The following FOXP2 variants were observed in gnomAD, a reference collection of about 807,000 sequenced individuals.
FOXP2 encodes the protein forkhead box protein P2.
A neutral mutation model predicts 115.8 loss-of-function variants in FOXP2; 12 were observed. The ratio of observed to expected loss-of-function variants is 0.10; its 90% CI spans 0.07 to 0.17. The LOEUF (loss-of-function observed/expected upper bound fraction) is 0.17, where lower values mean the gene tolerates loss of function less well. Ranked by LOEUF, FOXP2 falls within the 10% of genes least tolerant of loss-of-function variation. FOXP2 has a pLI of 1.00. For missense variants in FOXP2, 629 were observed against 843.5 expected, an observed-to-expected ratio of 0.75 and a Z score of 3.15; for synonymous variants, 328 against 297.7, an observed-to-expected ratio of 1.10 and a Z score of -1.05.
At chr7:114,266,851 T>G (rs1795907359) in intron 1 of FOXP2, among the ~76,000 whole-genome samples, 1 of 152,222 alleles carries the variant, frequency 6.6e-6, no homozygotes, top group African/African-American at 2.4e-5. Flanking sequence ...TGTTCAGCTA[T>G]TAGTTCATTG....
intron 2 of FOXP2, among the ~76,000 whole-genome samples, chr7:114,405,284 G>A (rs987439758): frequency 1.3e-5 from 2 of 151,816 alleles, no homozygotes; most frequent in South Asian, 2.1e-4. Context: ...TATAAAAGCA[G>A]TAATTCATTC....
chr7:114,457,726 G>A (rs760888947), intron 2 of FOXP2, among the ~76,000 whole-genome samples: 6 of 151,854 alleles, frequency 4.0e-5, no homozygotes, highest in South Asian at 2.1e-4. Context: ...GTGAAACCCC[G>A]TCTCTACTAA....
At chr7:114,464,349 G>A (rs778870516) in intron 2 of FOXP2, among the ~76,000 whole-genome samples, 2 of 152,166 alleles carry the variant, frequency 1.3e-5, no homozygotes, top group Admixed American at 1.3e-4. Context: ...TTTAAAAAAG[G>A]AAAGCAGTGT....
chr7:114,204,915 CAAA>C (rs60413933), intron 1 of FOXP2, among the ~76,000 whole-genome samples: 26 of 141,792 alleles, frequency 1.8e-4, no homozygotes, highest in Non-Finnish European at 2.5e-4. Context: ...TTGTGTGTGC[CAAA>C]AAAAAAAAAA....
chr7:114,300,360 A>G (rs1315468568), intron 2 of FOXP2, among the ~76,000 whole-genome samples: 1 of 152,092 alleles, frequency 6.6e-6, no homozygotes, highest in Admixed American at 6.5e-5. Context: ...TTTTGTCCTT[A>G]AAATATGTAT....
Position 114,242,946 on chromosome 7 carries a change from A to G in FOXP2, c.-101-45073A>G, listed in dbSNP as rs544005206. 4.6e-5 allele frequency among the ~76,000 whole-genome samples: 7 copies of G among 152,334 alleles called. No homozygotes were observed. In the South Asian group the frequency reaches 1.4e-3, roughly 32 times the overall value. On this transcript the variant is annotated intron_variant, in intron 1 of 17. Transcript: ENST00000634411. ...CTAGATGGGAATACCTAGCACTTAC[A>G]TAAAATTATGGCCCTTGGACTCAGA...
rs757957770 is a variant in FOXP2 at position 114,102,732 on chromosome 7, A to ACACACACACACACACC, written c.-247+14895_-247+14896insACACACACACACACCC. Among the ~76,000 whole-genome samples, 105 of 146,194 alleles carry ACACACACACACACACC rather than the reference A, an allele frequency of 7.2e-4. 1 individual carries two copies. The highest frequency in any genetic ancestry group is 2.4e-3 in the African/African-American group (96 of 39,832). On this transcript the variant is annotated intron_variant, in intron 1 of 19. Transcript: ENST00000635638. ...CACACACACACACACACACACACAC[A>ACACACACACACACACC]CCCCAATGGTTATTCATATAAATAT...
At chr7:114,448,314 G>GT (rs1223912011) in intron 2 of FOXP2, among the ~76,000 whole-genome samples, 1 of 152,016 alleles carries the variant, frequency 6.6e-6, no homozygotes, top group Non-Finnish European at 1.5e-5. Flanking sequence ...ATAAAGATGG[G>GT]TTTTGAAGCT....
chr7:114,247,235 A>C (rs1013237377), intron 1 of FOXP2, among the ~76,000 whole-genome samples: 2 of 152,160 alleles, frequency 1.3e-5, no homozygotes, highest in Non-Finnish European at 2.9e-5. Flanking sequence ...TTATCTATGA[A>C]TATATTCCAG....
chr7:114,434,896 A>C (rs1289723063), intron 2 of FOXP2, among the ~76,000 whole-genome samples: 2 of 152,188 alleles, frequency 1.3e-5, no homozygotes, highest in Admixed American at 6.5e-5. Flanking sequence ...TAACATATAC[A>C]TTTTAAGAAA....
chr7:114,683,778 A>G (rs1395196633), intron 16 of FOXP2, among the ~76,000 whole-genome samples: 1 of 152,154 alleles, frequency 6.6e-6, no homozygotes, highest in Admixed American at 6.6e-5. Flanking sequence ...GGAACTGAAA[A>G]CAATGTTTCT....
At chr7:114,299,833 A>T (rs544467003) in intron 2 of FOXP2, among the ~76,000 whole-genome samples, 1 of 152,168 alleles carries the variant, frequency 6.6e-6, no homozygotes, top group East Asian at 1.9e-4. Flanking sequence ...TTTATCTCCC[A>T]AGAGTTCAGA....
At chr7:114,133,009 CAG>C (rs941326411) in intron 1 of FOXP2, among the ~76,000 whole-genome samples, 2 of 152,114 alleles carry the variant, frequency 1.3e-5, no homozygotes, top group African/African-American at 4.8e-5. Context: ...GGGAAGGAAA[CAG>C]GGACGAAACC....
chr7:114,509,583 G>T (rs187445151), intron 2 of FOXP2, among the ~76,000 whole-genome samples: 1 of 151,058 alleles, frequency 6.6e-6, no homozygotes, highest in Non-Finnish European at 1.5e-5. Flanking sequence ...AGGAATCAAG[G>T]ATGATCGCAA....
intron 6 of FOXP2, among the ~76,000 whole-genome samples, chr7:114,633,459 C>A (rs1235980810): frequency 6.6e-6 from 1 of 151,954 alleles, no homozygotes; most frequent in Non-Finnish European, 1.5e-5. Context: ...AATCTGAAAA[C>A]ATCTGTCTTT....
Position 114,614,703 on chromosome 7 carries a change from A to G in FOXP2, c.259-13837A>G, listed in dbSNP as rs184892568. ...GTAACAAGAGACTTTATAGATTCAC[A>G]TAACAATTCAATCAGAAGACATAAC... On this transcript the variant is annotated intron_variant, in intron 3 of 16. Coordinates refer to ENST00000350908, the MANE Select transcript of FOXP2 (RefSeq NM_014491.4). Among the ~76,000 whole-genome samples, 604 of 152,286 alleles carry G rather than the reference A, an allele frequency of 4.0e-3. 5 individuals carry two copies. The highest frequency in any genetic ancestry group is 0.013 in the South Asian group (62 of 4,830).
intron 3 of FOXP2, among the ~76,000 whole-genome samples, chr7:114,608,050 A>C (rs1453898289): frequency 2.6e-5 from 4 of 152,190 alleles, no homozygotes; most frequent in Non-Finnish European, 4.4e-5. Flanking sequence ...CTAATACTTC[A>C]TGCATTATGG....
At chr7:114,558,788 AC>A (rs1800599278) in intron 3 of FOXP2, among the ~76,000 whole-genome samples, 2 of 152,182 alleles carry the variant, frequency 1.3e-5, no homozygotes, top group East Asian at 3.9e-4. Context: ...ATAGTATAAT[AC>A]TTAATATGAA....
intron 1 of FOXP2, among the ~76,000 whole-genome samples, chr7:114,271,986 TAA>T (rs1177440538): frequency 7.4e-6 from 1 of 134,814 alleles, no homozygotes; most frequent in East Asian, 2.1e-4. Context: ...TAATTATATA[TAA>T]TATATAATAT....
Sources: gnomAD v4.1 joint callset for allele counts (sites outside exome capture counted in the v4.1 genomes callset) on GRCh38, gnomAD v4.1.1 for gene constraint, MANE v1.5 for transcripts, NCBI Gene and HGNC (gene_info 2026-07-23, HGNC 2026-07-21) for gene names.